Variants in LZIC observed in about 807,000 individuals in gnomAD.
The protein encoded by LZIC is protein LZIC.
In LZIC, 28 loss-of-function variants were observed where a neutral mutation model predicts 25.4. The observed-to-expected ratio is 1.10, with a 90% confidence interval of 0.82 to 1.51. LZIC has a LOEUF of 1.51. LZIC is among the 40% of genes most tolerant of loss of function. LZIC has a pLI of 0.00. For synonymous variants in LZIC, 65 were observed against 70.7 expected, an observed-to-expected ratio of 0.92 and a Z score of 0.40; for missense variants, 170 against 211.1, an observed-to-expected ratio of 0.81 and a Z score of 1.21.
intron 2 of LZIC, among the ~76,000 whole-genome samples, chr1:9,939,680 T>C (rs1467959307): frequency 1.3e-5 from 2 of 151,956 alleles, no homozygotes; most frequent in Admixed American, 6.6e-5. Context: ...CTATTTACAT[T>C]ATTATGGCTT....
chr1:9,939,055 T>C (rs890761009), intron 2 of LZIC, among the ~76,000 whole-genome samples: 2 of 152,130 alleles, frequency 1.3e-5, no homozygotes, highest in African/African-American at 4.8e-5. Context: ...TGGCTAGTCA[T>C]TGATAATTTT....
downstream of LZIC, among the ~76,000 whole-genome samples, chr1:9,923,594 G>C (rs1050843386): frequency 1.4e-5 from 2 of 143,576 alleles, no homozygotes; most frequent in African/African-American, 5.2e-5. Context: ...GAACTCTAGG[G>C]CTCAAGCAGT....
In LZIC at chr1:9,934,813, G is replaced by C. The variant is rs1297424375; in HGVS notation, c.285C>G (p.Ile95Met). 1 of 1,614,140 alleles carries C rather than the reference G, an allele frequency of 6.2e-7. No individual in the cohort carries two copies. The highest frequency in any genetic ancestry group is 1.1e-5 in the South Asian group (1 of 91,088). The change falls in exon 5 of 8, where the codon ATC (isoleucine) becomes ATG (methionine). Residue 95 changes from isoleucine (I) to methionine (M), a missense_variant. Ile to Met is a conservative substitution (Grantham distance 10). Coordinates refer to ENST00000377223, the MANE Select transcript of LZIC (RefSeq NM_032368.5). ...CTGGTTGTTTCTTTGCAAACAATCT[G>C]ATGACCTCTGGGGTTTTAAAGGCCT... is the stretch of plus-strand genomic sequence containing the variant. ...ISQAFKTPEV[I>M]RLFAKKQPGQ...
intron 5 of LZIC, among the ~76,000 whole-genome samples, chr1:9,933,284 ATAT>A (rs1454742399): frequency 4.2e-5 from 4 of 96,128 alleles, no homozygotes; most frequent in East Asian, 3.7e-4. Flanking sequence ...AAAAAAAAAA[ATAT>A]ATATATATAT....
chr1:9,942,741 C>CTTTT lies in LZIC; in HGVS notation c.-127_-126insAAAA. On this transcript the variant is annotated 5_prime_UTR_variant, in exon 2 of 8. Transcript: ENST00000377223. ...AGGAAAATGAAATTATTCATCAGGA[C>CTTTT]TACAAAAGGCTCAAAGTTCAAACCA... The CTTTT allele has an allele frequency of 8.0e-7, 1 of 1,256,370 alleles. No homozygotes were observed. The highest frequency in any genetic ancestry group is 1.0e-6 in the Non-Finnish European group (1 of 958,774). The allele number at this position is 1,256,370 out of a possible 1,614,324, so 77.8% of individuals were successfully genotyped here.
At chr1:9,931,101 C>G (rs899990154) in intron 7 of LZIC, among the ~76,000 whole-genome samples, 1 of 151,196 alleles carries the variant, frequency 6.6e-6, no homozygotes, top group Admixed American at 6.6e-5. Context: ...AGGTCTTGCT[C>G]TGTCACCCAG....
chr1:9,930,797 G>A (rs1640179476), intron 7 of LZIC, among the ~76,000 whole-genome samples: 2 of 152,116 alleles, frequency 1.3e-5, no homozygotes, highest in African/African-American at 4.8e-5. Context: ...TCGGCTCACT[G>A]CAACTTCCAC....
chr1:9,925,605 T>C (rs1410949212), downstream of LZIC, among the ~76,000 whole-genome samples: 2 of 152,138 alleles, frequency 1.3e-5, no homozygotes, highest in Non-Finnish European at 2.9e-5. Context: ...AACTCTTTTT[T>C]TTTGAGACAG....
downstream of LZIC, chr1:9,922,304 A>G: frequency 1.0e-6 from 1 of 985,332 alleles, no homozygotes; most frequent in Non-Finnish European, 1.2e-6. Context: ...GGGGACATCA[A>G]TATTTTTGCT....
intron 3 of LZIC, among the ~76,000 whole-genome samples, chr1:9,935,854 G>A (rs1035636617): frequency 1.3e-5 from 2 of 152,100 alleles, no homozygotes; most frequent in African/African-American, 2.4e-5. Context: ...ATAAAGCAGG[G>A]TGCCGTAGCT....
Position 9,926,326 on chromosome 1 carries a change from GTTTA to G in LZIC, c.*4069_*4072del, listed in dbSNP as rs1042586469. 6.6e-6 allele frequency among the ~76,000 whole-genome samples: 1 copy of G among 152,108 alleles called. No individual in the cohort carries two copies. The highest frequency in any genetic ancestry group is 1.5e-5 in the Non-Finnish European group (1 of 68,020). On this transcript the variant is annotated 3_prime_UTR_variant, in exon 8 of 8. Transcript: ENST00000377223. ...AAAGGCTCTAGGCAAAATGGTCTGG[GTTTA>G]TTTTTTTCTATAGTAATTTCAGATT...
At position 9,929,521 on chromosome 1, in the gene LZIC, C is replaced by A; in HGVS notation, c.*878G>T. The stretch of plus-strand genomic sequence containing the variant: ...AGTAGATAACAGCTGACAGTTACCC[C>A]CCTCTGAGTGTGACAAGAGGTCACG... On this transcript the variant is annotated 3_prime_UTR_variant, in exon 8 of 8. Transcript: ENST00000377223. The A allele has an allele frequency of 4.1e-6, 4 of 983,658 alleles. No homozygotes were observed. Among genetic ancestry groups the A allele is most frequent in the Non-Finnish European group, 4.8e-6 (4 of 829,730 alleles). 60.9% of individuals were successfully genotyped at this position (983,658 alleles called of 1,614,324 possible). A position where few individuals can be genotyped will look rare whatever the true frequency, so the allele number is the denominator to read the frequency against.
intron 5 of LZIC, among the ~76,000 whole-genome samples, chr1:9,933,800 G>A (rs1234980638): frequency 6.6e-6 from 1 of 151,936 alleles, no homozygotes; most frequent in Non-Finnish European, 1.5e-5. Flanking sequence ...CCAGATACTT[G>A]AGGGGCTGAG....
chr1:9,924,354 TTTA>T (rs796616950), downstream of LZIC, among the ~76,000 whole-genome samples: 10 of 29,734 alleles, frequency 3.4e-4, no homozygotes, highest in East Asian at 3.5e-3. Context: ...TTTTATTTTA[TTTA>T]TTTATTTATT....
chr1:9,938,395 A>G (rs779719838), intron 2 of LZIC, among the ~76,000 whole-genome samples: 36 of 152,278 alleles, frequency 2.4e-4, no homozygotes, highest in Non-Finnish European at 3.8e-4. Context: ...AACTGGGCTC[A>G]AGAGATCCTC....
At position 9,929,680 on chromosome 1, in the gene LZIC, C is replaced by T; in HGVS notation, c.*719G>A. 1 of 985,400 alleles carries T rather than the reference C, an allele frequency of 1.0e-6. No individual in the cohort carries two copies. Among genetic ancestry groups the T allele is most frequent in the Non-Finnish European group, 1.2e-6 (1 of 829,936 alleles). 61.0% of individuals were successfully genotyped at this position (985,400 alleles called of 1,614,324 possible). A position where few individuals can be genotyped will look rare whatever the true frequency, so the allele number is the denominator to read the frequency against. Reference sequence around the variant, plus strand: ...CAAAATTCCGAGATACAACGGGCCCCATTAATACAGACAGCTTACAGGCTG... The same window carrying T: ...CAAAATTCCGAGATACAACGGGCCCTATTAATACAGACAGCTTACAGGCTG... On this transcript the variant is annotated 3_prime_UTR_variant, in exon 8 of 8. Transcript: ENST00000377223.
At chr1:9,923,406 C>T (rs530335431), downstream of LZIC, among the ~76,000 whole-genome samples, 4 of 151,606 alleles carry the variant, frequency 2.6e-5, no homozygotes, top group South Asian at 2.1e-4. Context: ...GACAGGGTTT[C>T]GCCATGTTGG....
rs1336687816 is a variant in LZIC at position 9,943,358 on chromosome 1, C to A, written c.-277G>T. 3.9e-5 allele frequency: 6 copies of A among 152,856 alleles called. No homozygotes were observed. Among genetic ancestry groups the A allele is most frequent in the African/African-American group, 1.2e-4 (5 of 41,476 alleles). The allele number at this position is 152,856 out of a possible 1,614,324, so 9.5% of individuals were successfully genotyped here. On this transcript the variant is annotated 5_prime_UTR_variant, in exon 1 of 8. Coordinates refer to ENST00000377223, the MANE Select transcript of LZIC (RefSeq NM_032368.5). ...CAGGGGCCCCGCCTACCTGAGGGCA[C>A]TGGCCTGGCGGACCGCGCCGGGGGA...
rs377028592 is a variant in LZIC, at chr1:9,928,685, C to T, written c.*1714G>A. 1.6e-4 allele frequency among the ~76,000 whole-genome samples: 24 copies of T among 152,014 alleles called. No individual in the cohort carries two copies. The East Asian group carries it at 2.1e-3, about 13-fold the overall frequency. ...TGAGGTCAGCTCAGGACCAGCTGGG[C>T]CAACATGGTGAAACCCTGTCTCTAT... On this transcript the variant is annotated 3_prime_UTR_variant, in exon 8 of 8. Transcript: ENST00000377223.
Sources: gnomAD v4.1 joint callset for allele counts (sites outside exome capture counted in the v4.1 genomes callset) on GRCh38, gnomAD v4.1.1 for gene constraint, MANE v1.5 for transcripts, NCBI Gene and HGNC (gene_info 2026-07-23, HGNC 2026-07-21) for gene names.